MYO16: variants seen among roughly 807,000 people sequenced by gnomAD.
MYO16 encodes the protein unconventional myosin-XVI.
Under a neutral mutation model 205.3 loss-of-function variants are expected in MYO16, and 94 were observed. That is an observed-to-expected ratio of 0.46 (90% CI 0.39 to 0.54). The LOEUF (loss-of-function observed/expected upper bound fraction) is 0.54. MYO16 is among the 20% of genes least tolerant of loss of function. MYO16 has a pLI of 0.00. For missense variants in MYO16, 2,315 were observed against 2,387.5 expected (o/e 0.97, Z 0.63); for synonymous variants, 988 against 954.0 (o/e 1.04, Z -0.66).
chr13:109,107,350 A>C (rs1388878301), intron 28 of MYO16, among the ~76,000 whole-genome samples: 2 of 152,226 alleles, frequency 1.3e-5, no homozygotes, highest in Non-Finnish European at 2.9e-5. Context: ...AAAATGAGTT[A>C]AATTAAGTTA....
intron 11 of MYO16, among the ~76,000 whole-genome samples, chr13:108,859,061 T>G (rs1304390068): frequency 1.3e-5 from 2 of 152,174 alleles, no homozygotes; most frequent in Non-Finnish European, 2.9e-5. Context: ...CAAAATGCAC[T>G]TCCTATCCTT....
intron 13 of MYO16, chr13:108,886,549 T>C (rs563383905): frequency 2.6e-5 from 12 of 454,532 alleles, no homozygotes; most frequent in East Asian, 7.0e-5. Context: ...CCCTTCTCAG[T>C]TGAATACCAC....
At chr13:108,705,353 G>C (rs1263978972) in intron 2 of MYO16, among the ~76,000 whole-genome samples, 1 of 152,146 alleles carries the variant, frequency 6.6e-6, no homozygotes, top group Non-Finnish European at 1.5e-5. Flanking sequence ...ATCATCAGAA[G>C]GTCAGTTGTA....
intron 2 of MYO16, among the ~76,000 whole-genome samples, chr13:108,674,347 T>TA (rs748639104): frequency 6.1e-4 from 93 of 151,972 alleles, no homozygotes; most frequent in Admixed American, 2.1e-3. Flanking sequence ...TAAGCTTATT[T>TA]AAAAAAAAAT....
intron 32 of MYO16, among the ~76,000 whole-genome samples, chr13:109,157,847 A>T (rs919747910): frequency 2.0e-5 from 3 of 152,142 alleles, no homozygotes; most frequent in Admixed American, 6.5e-5. Context: ...ACCCCTCAGG[A>T]TAGATGTAGT....
intron 4 of MYO16, among the ~76,000 whole-genome samples, chr13:108,743,484 G>A (rs183175328): frequency 4.6e-5 from 7 of 152,176 alleles, no homozygotes; most frequent in East Asian, 1.9e-4. Flanking sequence ...AGATTTTTTC[G>A]CTGCTTGAAA....
chr13:108,846,573 A>G (rs980867927), intron 10 of MYO16, among the ~76,000 whole-genome samples: 2 of 151,978 alleles, frequency 1.3e-5, no homozygotes, highest in Admixed American at 6.6e-5. Context: ...TTAAAATATT[A>G]CATTGTAGGA....
intron 1 of MYO16, among the ~76,000 whole-genome samples, chr13:108,616,361 C>T (rs28510678): frequency 1.4e-3 from 211 of 152,218 alleles, no homozygotes; most frequent in African/African-American, 4.7e-3. Context: ...TCTGAGTAAG[C>T]GCAATCCCCG....
Position 109,120,411 on chromosome 13 carries a change from C to T in MYO16, c.3480C>T (p.Asp1160=). 6.2e-7 allele frequency: 1 copy of T among 1,608,328 alleles called. No individual in the cohort carries two copies. The highest frequency in any genetic ancestry group is 8.5e-7 in the Non-Finnish European group (1 of 1,177,510). The stretch of plus-strand genomic sequence containing the variant: ...TGTTTCTAAAATACTGGCATGCTGA[C>T]CAACTCAATGATTTGTGCCTACAGT... The part of the protein sequence containing the change: ...RKVFLKYWHA[D]QLNDLCLQLQ... The change falls in exon 29 of 35, where the codon GAC becomes GAT. Residue 1160 remains aspartate, a synonymous_variant. Transcript: ENST00000457511.
intron 4 of MYO16, among the ~76,000 whole-genome samples, chr13:108,772,115 A>G (rs1885984725): frequency 6.6e-6 from 1 of 152,138 alleles, no homozygotes; most frequent in Non-Finnish European, 1.5e-5. Flanking sequence ...CTTTGGGAAG[A>G]TGAGGAAGGG....
chr13:108,715,885 C>G (rs556876250), intron 3 of MYO16, among the ~76,000 whole-genome samples: 5 of 152,314 alleles, frequency 3.3e-5, no homozygotes, highest in African/African-American at 1.2e-4. Flanking sequence ...GATATTGCCA[C>G]AATGGGGTAT....
chr13:108,519,118 A>T, the MYO16 span, among the ~76,000 whole-genome samples: 1 of 152,200 alleles, frequency 6.6e-6, no homozygotes, highest in Non-Finnish European at 1.5e-5. Flanking sequence ...ATTTTAAAAG[A>T]TCAGTAGCAT....
intron 33 of MYO16, among the ~76,000 whole-genome samples, chr13:109,170,119 A>G (rs957272314): frequency 8.2e-5 from 2 of 24,504 alleles, no homozygotes; most frequent in Non-Finnish European, 1.5e-4. Flanking sequence ...AGTTTTAACC[A>G]TAAAGAAAAA....
At chr13:108,714,362 T>C (rs1883852133) in intron 3 of MYO16, among the ~76,000 whole-genome samples, 1 of 152,192 alleles carries the variant, frequency 6.6e-6, no homozygotes, top group Non-Finnish European at 1.5e-5. Flanking sequence ...CCCATAAGCC[T>C]GTTTTTCGGG....
Position 108,858,204 on chromosome 13 carries a change from T to C in MYO16, c.1359+2651T>C, listed in dbSNP as rs376081426. On this transcript the variant is annotated intron_variant, in intron 11 of 34. Transcript: ENST00000457511. ...TCCAGCAGTTTGTTGGTTTAATCCC[T>C]ATCTGTTGGAGTTAATAAGAATCAG... is the stretch of plus-strand genomic sequence containing the variant. Among the ~76,000 whole-genome samples the C allele has an allele frequency of 3.3e-4, 51 of 152,370 alleles. 1 individual carries two copies. The East Asian group carries it at 3.7e-3, about 11-fold the overall frequency.
Position 108,806,800 on chromosome 13 carries a change from GC to G in MYO16, c.865del (p.Gln289ArgfsTer5). 1.3e-6 allele frequency: 2 copies of G among 1,531,968 alleles called. No homozygotes were observed. The highest frequency in any genetic ancestry group is 1.8e-5 in the Admixed American group (1 of 56,380). 94.9% of individuals were successfully genotyped at this position (1,531,968 alleles called of 1,614,324 possible). ...WTPLHLAAKY[G>X]QTNLVKLLLM... ...CCCCTCCACTTGGCAGCCAAATATG[GC>G]CAGGTAGAGTGATTTGCTGAATTCT... On this transcript the variant is annotated frameshift_variant, in exon 7 of 35. Coordinates refer to ENST00000457511, the MANE Select transcript of MYO16 (RefSeq NM_001198950.3). LOFTEE classifies it high-confidence loss of function.
At chr13:108,506,442 T>C in the MYO16 span, among the ~76,000 whole-genome samples, 7 of 152,286 alleles carry the variant, frequency 4.6e-5, no homozygotes, top group Non-Finnish European at 8.8e-5. Context: ...GGCATCATTT[T>C]TTAAATTTCA....
intron 27 of MYO16, among the ~76,000 whole-genome samples, chr13:109,062,086 G>A (rs933878085): frequency 3.9e-5 from 6 of 152,148 alleles, no homozygotes; most frequent in African/African-American, 1.4e-4. Context: ...GGGAGAAAGA[G>A]AGAGAGAGAG....
At chr13:108,925,186 C>A (rs1310564595) in intron 16 of MYO16, among the ~76,000 whole-genome samples, 2 of 152,106 alleles carry the variant, frequency 1.3e-5, no homozygotes, top group Admixed American at 6.5e-5. Context: ...CTGGTCCCGG[C>A]ATCTCTCTGT....
Sources: allele counts gnomAD v4.1 joint callset (sites outside exome capture counted in the v4.1 genomes callset), GRCh38; gene constraint gnomAD v4.1.1; transcripts MANE v1.5; gene names NCBI Gene and HGNC (gene_info 2026-07-23, HGNC 2026-07-21).